The following VTI1A variants were observed in gnomAD, a reference collection of about 807,000 sequenced individuals.
VTI1A encodes vesicle transport through interaction with t-SNAREs 1A.
In VTI1A, 22 loss-of-function variants were observed where a neutral mutation model predicts 34.9. The ratio of observed to expected loss-of-function variants is 0.63; its 90% CI spans 0.45 to 0.90. The LOEUF (loss-of-function observed/expected upper bound fraction) is 0.90. VTI1A is among the 40% of genes least tolerant of loss of function. The probability of loss-of-function intolerance (pLI) is 0.00; values close to 1 mark genes in which losing one functional copy is unlikely to be tolerated. For missense variants in VTI1A, 268 were observed against 275.6 expected (o/e 0.97, Z 0.20); for synonymous variants, 87 against 97.3 (o/e 0.89, Z 0.62).
rs571049909 is a variant in VTI1A, at chr10:112,593,062, T to A, written c.427+54732T>A. On this transcript the variant is annotated intron_variant, in intron 5 of 7. Coordinates refer to ENST00000393077, the MANE Select transcript of VTI1A (RefSeq NM_145206.4). Reference sequence around the variant, plus strand: ...ACTAAAACTAGATGCAGTCATCTTATACCAAAAGCGAGGATGATCTCCTCT... The same window carrying A: ...ACTAAAACTAGATGCAGTCATCTTAAACCAAAAGCGAGGATGATCTCCTCT... Among the ~76,000 whole-genome samples the A allele has an allele frequency of 1.1e-4, 17 of 152,370 alleles. No individual in the cohort carries two copies. The South Asian group carries it at 3.5e-3, about 32-fold the overall frequency.
At position 112,818,146 on chromosome 10, in the gene VTI1A, G is replaced by C. The variant is rs1230299619; in HGVS notation, c.*2763G>C. 8.6e-6 allele frequency: 2 copies of C among 233,458 alleles called. No homozygotes were observed. The highest frequency in any genetic ancestry group is 4.4e-5 in the African/African-American group (2 of 45,346). The allele number at this position is 233,458 out of a possible 1,614,324, so 14.5% of individuals were successfully genotyped here. A position where few individuals can be genotyped will look rare whatever the true frequency, so the allele number is the denominator to read the frequency against. On this transcript the variant is annotated 3_prime_UTR_variant, in exon 8 of 8. Transcript: ENST00000393077. ...GCTGGATTGTCTTATTTTGGAACCA[G>C]CTTGGTGGGGGGTTTGCTTTGCTAC... is the stretch of plus-strand genomic sequence containing the variant.
intron 7 of VTI1A, among the ~76,000 whole-genome samples, chr10:112,804,062 T>C (rs949011624): frequency 3.9e-5 from 6 of 152,178 alleles, no homozygotes; most frequent in Admixed American, 6.5e-5. Context: ...TTTGGCAACA[T>C]AGAGTGCAAT....
intron 5 of VTI1A, among the ~76,000 whole-genome samples, chr10:112,585,431 C>T (rs1002899280): frequency 6.6e-6 from 1 of 152,064 alleles, no homozygotes; most frequent in African/African-American, 2.4e-5. Context: ...ACATTCTTAA[C>T]TGAAAAAGAA....
intron 7 of VTI1A, among the ~76,000 whole-genome samples, chr10:112,702,760 A>G (rs1485897624): frequency 1.3e-5 from 2 of 152,040 alleles, no homozygotes; most frequent in Non-Finnish European, 2.9e-5. Flanking sequence ...TAATTTTTGT[A>G]TTTTTGGTAG....
chr10:112,447,229 C>A lies in VTI1A; in HGVS notation c.-145C>A. On this transcript the variant is annotated 5_prime_UTR_variant, in exon 1 of 8. Coordinates refer to ENST00000393077, the MANE Select transcript of VTI1A (RefSeq NM_145206.4). Reference sequence around the variant, plus strand: ...GAGATTGCGACGAACAACCAGGAAGCGGCTGGGTTGAGAGCTGTCCCCGGT... The same window carrying A: ...GAGATTGCGACGAACAACCAGGAAGAGGCTGGGTTGAGAGCTGTCCCCGGT... The A allele has an allele frequency of 1.4e-6, 1 of 735,446 alleles. No homozygotes were observed. The highest frequency in any genetic ancestry group is 2.1e-6 in the Non-Finnish European group (1 of 473,718). 45.6% of individuals were successfully genotyped at this position (735,446 alleles called of 1,614,324 possible).
intron 7 of VTI1A, among the ~76,000 whole-genome samples, chr10:112,805,646 G>A (rs760852786): frequency 4.6e-5 from 7 of 152,282 alleles, no homozygotes; most frequent in Middle Eastern, 3.4e-3. Flanking sequence ...CAATGTGACC[G>A]GTGTCCTTAT....
intron 5 of VTI1A, among the ~76,000 whole-genome samples, chr10:112,657,437 G>A (rs759396506): frequency 2.0e-5 from 3 of 152,052 alleles, no homozygotes; most frequent in Non-Finnish European, 4.4e-5. Flanking sequence ...TTATGAGTCA[G>A]TGTAAACATT....
At chr10:112,695,284 C>A (rs766688073) in intron 7 of VTI1A, among the ~76,000 whole-genome samples, 1 of 151,924 alleles carries the variant, frequency 6.6e-6, no homozygotes, top group African/African-American at 2.4e-5. Flanking sequence ...AGGGTTAATT[C>A]TACTAGCATT....
chr10:112,675,348 T>A (rs1427964360), intron 7 of VTI1A, among the ~76,000 whole-genome samples: 2 of 152,200 alleles, frequency 1.3e-5, no homozygotes, highest in Non-Finnish European at 2.9e-5. Context: ...CTCCAGGGGC[T>A]GGTTTTCCTA....
intron 5 of VTI1A, among the ~76,000 whole-genome samples, chr10:112,569,815 C>T (rs1476546769): frequency 6.6e-6 from 1 of 152,174 alleles, no homozygotes; most frequent in Admixed American, 6.5e-5. Context: ...AGGCAACTTC[C>T]TTCCTAAGAA....
chr10:112,726,726 A>T (rs989777254), intron 7 of VTI1A, among the ~76,000 whole-genome samples: 4 of 152,220 alleles, frequency 2.6e-5, no homozygotes, highest in African/African-American at 9.6e-5. Context: ...AGACAATTTC[A>T]TGGGCTTCAA....
intron 5 of VTI1A, among the ~76,000 whole-genome samples, chr10:112,639,998 C>CA (rs1846506556): frequency 6.6e-6 from 1 of 152,310 alleles, no homozygotes; most frequent in African/African-American, 2.4e-5. Flanking sequence ...TAGGAATAAT[C>CA]ATGTCTTCCA....
downstream of VTI1A, among the ~76,000 whole-genome samples, chr10:112,821,246 G>A (rs762178488): frequency 6.6e-6 from 1 of 152,154 alleles, no homozygotes; most frequent in South Asian, 2.1e-4. Context: ...CGTATTGATC[G>A]GCTGCAAACC....
At chr10:112,480,273 G>T (rs1848419285) in intron 3 of VTI1A, among the ~76,000 whole-genome samples, 1 of 152,210 alleles carries the variant, frequency 6.6e-6, no homozygotes, top group African/African-American at 2.4e-5. Flanking sequence ...CTTTCGAGCT[G>T]ATGGTGTTTT....
intron 4 of VTI1A, among the ~76,000 whole-genome samples, chr10:112,538,044 AG>A (rs142420348): frequency 0.065 from 9,850 of 152,194 alleles, 555 homozygotes; most frequent in East Asian, 0.26. Flanking sequence ...AAAAACACGA[AG>A]TGGATGGTCC....
intron 3 of VTI1A, among the ~76,000 whole-genome samples, chr10:112,478,434 T>G (rs1848351832): frequency 6.6e-6 from 1 of 152,204 alleles, no homozygotes; most frequent in African/African-American, 2.4e-5. Flanking sequence ...CAAGTGGTAA[T>G]GCTATAATTA....
chr10:112,660,327 T>C lies in VTI1A; in HGVS notation c.428-7891T>C, dbSNP rs562164814. 2.0e-5 allele frequency among the ~76,000 whole-genome samples: 3 copies of C among 152,306 alleles called. No individual in the cohort carries two copies. In the East Asian group the frequency reaches 5.8e-4, roughly 29 times the overall value. On this transcript the variant is annotated intron_variant, in intron 5 of 7. Coordinates refer to ENST00000393077, the MANE Select transcript of VTI1A (RefSeq NM_145206.4). ...GTTGGCCAGGATGATCTCGATCTCTTGACCTTGTGATCCGCCCTCCTCGGC... is the reference window on the plus strand; with the variant it reads ...GTTGGCCAGGATGATCTCGATCTCTCGACCTTGTGATCCGCCCTCCTCGGC...
At chr10:112,789,012 CCAA>C (rs1254804317) in intron 7 of VTI1A, among the ~76,000 whole-genome samples, 2 of 151,892 alleles carry the variant, frequency 1.3e-5, no homozygotes, top group Admixed American at 6.6e-5. Flanking sequence ...TGATATAAAC[CCAA>C]CAATACAAAA....
chr10:112,499,464 A>G (rs1849147149), intron 3 of VTI1A, among the ~76,000 whole-genome samples: 1 of 152,008 alleles, frequency 6.6e-6, no homozygotes. Flanking sequence ...GGTTAATTTT[A>G]TGTATGCCCA....
Sources: allele counts gnomAD v4.1 joint callset (sites outside exome capture counted in the v4.1 genomes callset), GRCh38; gene constraint gnomAD v4.1.1; transcripts MANE v1.5; gene names NCBI Gene and HGNC (gene_info 2026-07-23, HGNC 2026-07-21).